Variants in TCF20 observed in about 807,000 individuals in gnomAD.
TCF20 encodes the protein SPRE-binding protein.
In TCF20, 3 loss-of-function variants were observed where a neutral mutation model predicts 148.6. The observed-to-expected ratio is 0.02, with a 90% CI of 0.01 to 0.05. TCF20 has a LOEUF of 0.05. TCF20 is among the 10% of genes least tolerant of loss of function. The pLI, the probability that TCF20 is intolerant of heterozygous loss-of-function variation, is 1.00. For synonymous variants in TCF20, 1,049 were observed against 909.5 expected (o/e 1.15, Z -2.76); for missense variants, 2,350 against 2,429.3 (o/e 0.97, Z 0.69).
At chr22:42,181,244 C>T (rs543975782) in intron 2 of TCF20, among the ~76,000 whole-genome samples, 6 of 152,258 alleles carry the variant, frequency 3.9e-5, no homozygotes, top group South Asian at 2.1e-4. Context: ...AGTGCAGTAG[C>T]GCAATCTTGG....
chr22:42,225,477 G>A (rs372514597), intron 1 of TCF20, among the ~76,000 whole-genome samples: 6 of 151,092 alleles, frequency 4.0e-5, no homozygotes, highest in South Asian at 2.1e-4. Flanking sequence ...AGCCGGGCGC[G>A]GTGGCGGGCG....
intron 2 of TCF20, among the ~76,000 whole-genome samples, chr22:42,188,176 C>T (rs1937136701): frequency 6.6e-6 from 1 of 151,286 alleles, no homozygotes; most frequent in South Asian, 2.1e-4. Flanking sequence ...TGGCTGTAAT[C>T]CCAGCTACTC....
chr22:42,270,803 G>T (rs1402162287), upstream of TCF20, among the ~76,000 whole-genome samples: 1 of 147,024 alleles, frequency 6.8e-6, no homozygotes, highest in East Asian at 2.0e-4. Flanking sequence ...CGCGTGCGGC[G>T]GCGTCGAGGC....
At chr22:42,166,517 G>A (rs1342945588) in intron 5 of TCF20, among the ~76,000 whole-genome samples, 1 of 151,786 alleles carries the variant, frequency 6.6e-6, no homozygotes, top group East Asian at 1.9e-4. Flanking sequence ...GCTGAGGCGG[G>A]AGAATCGCCT....
chr22:42,269,842 G>A (rs1926500052), intron 1 of TCF20: 1 of 152,272 alleles, frequency 6.6e-6, no homozygotes, highest in African/African-American at 2.4e-5. Context: ...GCGCCCCAGC[G>A]CGGCGCCCTC....
chr22:42,253,735 A>G (rs897648664), intron 1 of TCF20, among the ~76,000 whole-genome samples: 1 of 152,204 alleles, frequency 6.6e-6, no homozygotes, highest in African/African-American at 2.4e-5. Flanking sequence ...AACAAGTAAT[A>G]AATTTATTAA....
At chr22:42,188,842 T>G (rs1169715331) in intron 2 of TCF20, among the ~76,000 whole-genome samples, 1 of 152,208 alleles carries the variant, frequency 6.6e-6, no homozygotes, top group Admixed American at 6.5e-5. Flanking sequence ...GTGTCTACCC[T>G]CCAGGAGCTC....
At chr22:42,161,616 G>A (rs962808168) in intron 5 of TCF20, among the ~76,000 whole-genome samples, 1 of 152,218 alleles carries the variant, frequency 6.6e-6, no homozygotes, top group Non-Finnish European at 1.5e-5. Flanking sequence ...CTCAGGGCAT[G>A]TCTGCCTTCC....
In TCF20 at chr22:42,213,579, G is replaced by A; in HGVS notation, c.1727C>T (p.Ala576Val). 6.2e-7 allele frequency: 1 copy of A among 1,614,146 alleles called. No homozygotes were observed. Among genetic ancestry groups the A allele is most frequent in the Non-Finnish European group, 8.5e-7 (1 of 1,180,042 alleles). ...TGGTGAGGTGGCCTCTTCTCTTGCG[G>A]CAGGACTAGCATTGAGTCTGGGGGG... ...NEPPRLNASP[A>V]AREEATSPGA... The change falls in exon 2 of 6, where the codon GCC becomes GTC. Residue 576 changes from alanine to valine, a missense_variant. Transcript: ENST00000677622.
intron 1 of TCF20, among the ~76,000 whole-genome samples, chr22:42,318,778 G>C (rs139026682): frequency 5.4e-4 from 82 of 152,336 alleles, no homozygotes; most frequent in Non-Finnish European, 9.7e-4. Context: ...CAGACACAGG[G>C]ATGCCATCAA....
chr22:42,238,637 T>TG (rs1239803855), intron 1 of TCF20, among the ~76,000 whole-genome samples: 1 of 152,248 alleles, frequency 6.6e-6, no homozygotes, highest in Non-Finnish European at 1.5e-5. Flanking sequence ...TTAATGGTCA[T>TG]GATCAGGTTA....
intron 1 of TCF20, among the ~76,000 whole-genome samples, chr22:42,242,976 T>C (rs1008200764): frequency 5.9e-5 from 9 of 151,924 alleles, no homozygotes; most frequent in Non-Finnish European, 1.2e-4. Context: ...TTTAGCTATA[T>C]AATATTCTGG....
At chr22:42,171,562 G>A (rs1013945765) in intron 3 of TCF20, among the ~76,000 whole-genome samples, 15 of 152,146 alleles carry the variant, frequency 9.9e-5, no homozygotes, top group Non-Finnish European at 2.9e-5. Context: ...CAAGAGCTCA[G>A]CAACTTACTA....
chr22:42,162,808 C>A (rs376657747), intron 5 of TCF20, among the ~76,000 whole-genome samples: 1 of 152,194 alleles, frequency 6.6e-6, no homozygotes, highest in Admixed American at 6.5e-5. Flanking sequence ...CTGGGGCCTG[C>A]GGGAGCTAAG....
intron 2 of TCF20, among the ~76,000 whole-genome samples, chr22:42,206,141 C>T (rs1470857358): frequency 6.6e-6 from 1 of 152,126 alleles, no homozygotes; most frequent in Non-Finnish European, 1.5e-5. Flanking sequence ...TACTGATTAT[C>T]AATTATTGCT....
chr22:42,230,624 G>A (rs546460086), intron 1 of TCF20, among the ~76,000 whole-genome samples: 2 of 147,186 alleles, frequency 1.4e-5, no homozygotes, highest in Admixed American at 6.9e-5. Context: ...CAGTCTGGGC[G>A]ACAGAGAGAG....
intron 1 of TCF20, among the ~76,000 whole-genome samples, chr22:42,315,120 G>GGGGCAGACA (rs936621388): frequency 2.6e-5 from 4 of 152,070 alleles, no homozygotes; most frequent in Non-Finnish European, 4.4e-5. Context: ...AAGCAGGGAG[G>GGGGCAGACA]GGGCAGACAG....
rs757878890 is a variant in TCF20 at position 42,214,286 on chromosome 22, C to T, written c.1020G>A (p.Leu340=). The change falls in exon 2 of 6, where the codon CTG becomes CTA. Residue 340 remains leucine (L), a synonymous_variant. Coordinates refer to ENST00000677622, the MANE Select transcript of TCF20 (RefSeq NM_001378418.1). The stretch of plus-strand genomic sequence containing the variant: ...GGTTGTACTGCCCCACTTGGCTTTG[C>T]AGGGGCAGCTTGGTGGCAGCGTTAG... ...QYTNAATKLP[L]QSQVGQYNQP... is the part of the protein sequence containing the mutation. 3 of 1,614,214 alleles carry T rather than the reference C, an allele frequency of 1.9e-6. No individual in the cohort carries two copies. Among genetic ancestry groups the T allele is most frequent in the Non-Finnish European group, 2.5e-6 (3 of 1,180,046 alleles).
rs114802137 is a variant in TCF20 at position 42,280,210 on chromosome 22, G to C, written c.-37+3617C>G. On this transcript the variant is annotated intron_variant, in intron 1 of 5. Coordinates refer to the TCF20 transcript ENST00000359486. ...GCAACAAGAGAATCACAGCCCCTTA[G>C]AGCAGTGGCGGGCCTGAGAGGTGAA... Among the ~76,000 whole-genome samples the C allele has an allele frequency of 3.1e-3, 476 of 152,356 alleles. 6 individuals carry two copies. The highest frequency in any genetic ancestry group is 0.011 in the African/African-American group (453 of 41,584).
Sources: gnomAD v4.1 joint callset for allele counts (sites outside exome capture counted in the v4.1 genomes callset) on GRCh38, gnomAD v4.1.1 for gene constraint, MANE v1.5 for transcripts, NCBI Gene and HGNC (gene_info 2026-07-23, HGNC 2026-07-21) for gene names.